The following DIAPH3 variants were observed in gnomAD, a reference collection of about 807,000 sequenced individuals.
DIAPH3 encodes diaphanous related formin 3.
In DIAPH3, 117 loss-of-function variants were observed where a neutral mutation model predicts 144.3. The ratio of observed to expected loss-of-function variants is 0.81; its 90% confidence interval spans 0.70 to 0.95. DIAPH3 has a LOEUF of 0.95. DIAPH3 is among the 40% of genes least tolerant of loss of function. The pLI is 0.00. For missense variants in DIAPH3, 1,421 were observed against 1,412.7 expected (o/e 1.01, Z -0.09); for synonymous variants, 519 against 488.9 (o/e 1.06, Z -0.81).
At chr13:59,852,648 T>G (rs2043043574) in intron 22 of DIAPH3, among the ~76,000 whole-genome samples, 1 of 152,214 alleles carries the variant, frequency 6.6e-6, no homozygotes, top group South Asian at 2.1e-4. Flanking sequence ...ACACTTATGA[T>G]CCTGTACACT....
In DIAPH3 at chr13:59,696,710, G is replaced by T. The variant is rs58419923; in HGVS notation, c.3320-29864C>A. ...TATATACTAGTACAGACAAAGAGTT[G>T]GTTTGCAGTAATTTCTGTAATGCTA... is the stretch of plus-strand genomic sequence containing the variant. On this transcript the variant is annotated intron_variant, in intron 27 of 27. Coordinates refer to ENST00000400324, the MANE Select transcript of DIAPH3 (RefSeq NM_001042517.2). Among the ~76,000 whole-genome samples the T allele has an allele frequency of 8.3e-3, 1,267 of 152,116 alleles. 23 individuals are homozygous for T. Among genetic ancestry groups the T allele is most frequent in the African/African-American group, 0.029 (1,198 of 41,508 alleles).
chr13:59,762,052 C>CTTTTTTTTTTTTTTTTTTTTTTTTTT (rs35387511), intron 27 of DIAPH3, among the ~76,000 whole-genome samples: 1 of 59,490 alleles, frequency 1.7e-5, no homozygotes, highest in Non-Finnish European at 2.9e-5. Context: ...GCGTCAGCAT[C>CTTTTTTTTTTTTTTTTTTTTTTTTTT]TTTTTTTTTT....
chr13:60,078,721 T>C (rs749417832), intron 4 of DIAPH3, among the ~76,000 whole-genome samples: 23 of 151,908 alleles, frequency 1.5e-4, no homozygotes, highest in Non-Finnish European at 2.9e-4. Context: ...TTTCAATTCA[T>C]ATATATTTGA....
chr13:59,896,389 T>C (rs2046100118), intron 20 of DIAPH3, among the ~76,000 whole-genome samples: 1 of 152,198 alleles, frequency 6.6e-6, no homozygotes, highest in Non-Finnish European at 1.5e-5. Flanking sequence ...CCGCTCCCTT[T>C]ATCCAAACCA....
At chr13:59,700,633 GTGCAAAGACC>G (rs1452821984) in intron 27 of DIAPH3, among the ~76,000 whole-genome samples, 1 of 152,146 alleles carries the variant, frequency 6.6e-6, no homozygotes, top group Non-Finnish European at 1.5e-5. Context: ...TCTTTCCATG[GTGCAAAGACC>G]ATGATCTTCC....
chr13:59,914,016 A>G (rs986590794), intron 19 of DIAPH3, among the ~76,000 whole-genome samples: 1 of 152,138 alleles, frequency 6.6e-6, no homozygotes, highest in African/African-American at 2.4e-5. Context: ...TGCCCTGGAC[A>G]TGTTGCATAA....
intron 21 of DIAPH3, among the ~76,000 whole-genome samples, chr13:59,866,102 T>C (rs2043903319): frequency 6.6e-6 from 1 of 151,920 alleles, no homozygotes; most frequent in African/African-American, 2.4e-5. Flanking sequence ...CATTACCATT[T>C]TAGAAGAATA....
At chr13:59,999,058 G>A (rs956989119) in intron 9 of DIAPH3, among the ~76,000 whole-genome samples, 1 of 152,026 alleles carries the variant, frequency 6.6e-6, no homozygotes, top group African/African-American at 2.4e-5. Context: ...TTGGTCTTGG[G>A]CATAATAAAA....
chr13:59,960,558 C>G, intron 17 of DIAPH3, among the ~76,000 whole-genome samples: 1 of 152,148 alleles, frequency 6.6e-6, no homozygotes, highest in East Asian at 1.9e-4. Flanking sequence ...ATTTGCCTAT[C>G]AAATAAAGGC....
At chr13:59,945,811 C>T (rs2048767133) in intron 17 of DIAPH3, among the ~76,000 whole-genome samples, 1 of 152,054 alleles carries the variant, frequency 6.6e-6, no homozygotes, top group Non-Finnish European at 1.5e-5. Context: ...TGTCCTGTTT[C>T]CTTCATGACT....
chr13:59,825,913 A>C (rs2041384235), intron 24 of DIAPH3, among the ~76,000 whole-genome samples: 1 of 152,280 alleles, frequency 6.6e-6, no homozygotes, highest in Admixed American at 6.5e-5. Flanking sequence ...GCATATAAAC[A>C]AAACCAAAGA....
intron 1 of DIAPH3, among the ~76,000 whole-genome samples, chr13:60,159,075 C>G (rs949012404): frequency 1.3e-5 from 2 of 152,058 alleles, no homozygotes; most frequent in African/African-American, 4.8e-5. Context: ...GGCAAACATG[C>G]ACTAATCTCA....
intron 25 of DIAPH3, among the ~76,000 whole-genome samples, chr13:59,799,430 A>G (rs944687085): frequency 2.0e-5 from 3 of 151,084 alleles, no homozygotes; most frequent in African/African-American, 7.3e-5. Flanking sequence ...CAGAAGGAGA[A>G]TTGACTACAT....
At chr13:60,096,461 G>A (rs1356045036) in intron 3 of DIAPH3, among the ~76,000 whole-genome samples, 1 of 152,120 alleles carries the variant, frequency 6.6e-6, no homozygotes, top group Non-Finnish European at 1.5e-5. Flanking sequence ...TATTTTTGGG[G>A]GTTGGTTAAT....
At chr13:59,980,765 A>G (rs374118369) in intron 14 of DIAPH3, 30 bp downstream of exon 14, 1 of 1,581,094 alleles carries the variant, frequency 6.3e-7, no homozygotes. Context: ...TTCCCCACAG[A>G]ATACTATAAA....
intron 17 of DIAPH3, among the ~76,000 whole-genome samples, chr13:59,949,956 G>A (rs1413760838): frequency 6.6e-6 from 1 of 152,122 alleles, no homozygotes; most frequent in Non-Finnish European, 1.5e-5. Context: ...TCCCATGGAA[G>A]TAACCTAGAT....
intron 4 of DIAPH3, among the ~76,000 whole-genome samples, chr13:60,054,994 A>G (rs1394320978): frequency 6.6e-6 from 1 of 151,988 alleles, no homozygotes; most frequent in Admixed American, 6.6e-5. Context: ...CCAACAAAAT[A>G]AAGTTTAGCA....
At chr13:59,804,896 T>G (rs1054067215) in intron 25 of DIAPH3, among the ~76,000 whole-genome samples, 1 of 152,184 alleles carries the variant, frequency 6.6e-6, no homozygotes, top group South Asian at 2.1e-4. Flanking sequence ...TCTGTTGAGA[T>G]TGGCAGAGAC....
At chr13:59,807,160 T>A (rs1247321655) in intron 25 of DIAPH3, among the ~76,000 whole-genome samples, 1 of 151,816 alleles carries the variant, frequency 6.6e-6, no homozygotes, top group African/African-American at 2.4e-5. Flanking sequence ...CTGTAAGAAA[T>A]CAAATGCTTT....
Sources: allele counts gnomAD v4.1 joint callset (sites outside exome capture counted in the v4.1 genomes callset), GRCh38; gene constraint gnomAD v4.1.1; transcripts MANE v1.5; gene names NCBI Gene and HGNC (gene_info 2026-07-23, HGNC 2026-07-21).